Variants in CSMD1 observed in about 807,000 individuals in gnomAD.
The protein encoded by CSMD1 is CUB and Sushi multiple domains 1, also known as CUB and sushi domain-containing protein 1.
CSMD1 carries 213 observed loss-of-function variants against 417.5 expected under a neutral mutation model. That is an observed-to-expected ratio of 0.51 (90% CI 0.46 to 0.57). The LOEUF is 0.57. CSMD1 is among the 20% of genes least tolerant of loss of function. The pLI is 0.00. For missense variants in CSMD1, 6,923 were observed against 4,529.7 expected, an observed-to-expected ratio of 1.53 and a Z score of -15.17; for synonymous variants, 2,862 against 1,736.8, an observed-to-expected ratio of 1.65 and a Z score of -16.11.
intron 46 of CSMD1, among the ~76,000 whole-genome samples, chr8:3,099,910 G>C (rs1389973721): frequency 6.6e-6 from 1 of 152,094 alleles, no homozygotes; most frequent in African/African-American, 2.4e-5. Context: ...TAGAGAATTT[G>C]TACCATTTTT....
intron 2 of CSMD1, among the ~76,000 whole-genome samples, chr8:4,452,223 G>A (rs969697541): frequency 1.3e-5 from 2 of 152,238 alleles, no homozygotes; most frequent in African/African-American, 4.8e-5. Flanking sequence ...GACTGCCTGA[G>A]ACTGATTCCA....
At chr8:4,446,249 A>T (rs1798782008) in intron 2 of CSMD1, among the ~76,000 whole-genome samples, 1 of 152,178 alleles carries the variant, frequency 6.6e-6, no homozygotes, top group Non-Finnish European at 1.5e-5. Context: ...ACAGAAGATC[A>T]CTTGAAGAGT....
At chr8:4,935,523 T>C (rs923480691) in intron 1 of CSMD1, among the ~76,000 whole-genome samples, 7 of 152,254 alleles carry the variant, frequency 4.6e-5, no homozygotes, top group African/African-American at 7.2e-5. Context: ...AATGAACGAA[T>C]GAATGAATAC....
intron 3 of CSMD1, among the ~76,000 whole-genome samples, chr8:4,251,858 G>T (rs944270353): frequency 3.4e-5 from 5 of 147,306 alleles, no homozygotes; most frequent in African/African-American, 1.2e-4. Flanking sequence ...AGGAGAGATG[G>T]AGGAGAGAGA....
intron 5 of CSMD1, among the ~76,000 whole-genome samples, chr8:3,802,591 G>T (rs1483668096): frequency 6.6e-6 from 1 of 152,104 alleles, no homozygotes; most frequent in East Asian, 1.9e-4. Context: ...CTTATTGCAG[G>T]ATGTAATTCA....
intron 20 of CSMD1, among the ~76,000 whole-genome samples, chr8:3,362,737 A>G (rs1809279261): frequency 6.6e-6 from 1 of 152,142 alleles, no homozygotes; most frequent in Non-Finnish European, 1.5e-5. Context: ...CGTAAAACAG[A>G]GCATCCTCAT....
chr8:4,511,254 C>T (rs1411892093), intron 2 of CSMD1, among the ~76,000 whole-genome samples: 4 of 152,080 alleles, frequency 2.6e-5, no homozygotes, highest in Admixed American at 6.5e-5. Context: ...TCAGACTTGG[C>T]GGCCGATTTC....
intron 1 of CSMD1, among the ~76,000 whole-genome samples, chr8:4,992,387 G>T (rs566485330): frequency 2.8e-4 from 43 of 152,354 alleles, no homozygotes; most frequent in African/African-American, 8.4e-4. Flanking sequence ...CAGCCGGAGC[G>T]TGCGGAACTC....
chr8:3,700,132 A>T (rs998440329), intron 7 of CSMD1, among the ~76,000 whole-genome samples: 3 of 152,118 alleles, frequency 2.0e-5, no homozygotes, highest in African/African-American at 7.2e-5. Context: ...GGCGAGGGAT[A>T]AAAGACAACA....
At chr8:4,023,857 T>C (rs1019566733) in intron 4 of CSMD1, among the ~76,000 whole-genome samples, 6 of 145,882 alleles carry the variant, frequency 4.1e-5, no homozygotes, top group Admixed American at 7.1e-5. Context: ...GACCTCGGGA[T>C]CTGCCCGCCT....
chr8:4,978,894 T>A (rs1041326501), intron 1 of CSMD1, among the ~76,000 whole-genome samples: 12 of 152,110 alleles, frequency 7.9e-5, no homozygotes, highest in Non-Finnish European at 4.4e-5. Flanking sequence ...GCTGAGATTG[T>A]GCCACTGCAC....
rs530121587 is a variant in CSMD1 at position 4,451,290 on chromosome 8, G to A, written c.303-31225C>T. On this transcript the variant is annotated intron_variant, in intron 2 of 69. Transcript: ENST00000635120. ...AGGCGGCAGTGATCCAACCAATCAT[G>A]ACTCCATCAATCAACCACTGCACCA... Among the ~76,000 whole-genome samples, 6 of 152,276 alleles carry A rather than the reference G, an allele frequency of 3.9e-5. No homozygotes were observed. In the East Asian group the frequency reaches 1.2e-3, roughly 29 times the overall value.
intron 5 of CSMD1, among the ~76,000 whole-genome samples, chr8:3,924,972 G>A (rs778895994): frequency 5.5e-4 from 84 of 151,878 alleles, no homozygotes; most frequent in Non-Finnish European, 5.9e-4. Context: ...CTTAGCATTT[G>A]AAGCAGTATT....
intron 10 of CSMD1, among the ~76,000 whole-genome samples, chr8:3,519,156 T>A (rs1011871670): frequency 3.9e-5 from 6 of 152,202 alleles, no homozygotes; most frequent in Non-Finnish European, 5.9e-5. Context: ...ACCTATTTAA[T>A]AAGCTAAAAA....
intron 3 of CSMD1, among the ~76,000 whole-genome samples, chr8:4,275,468 A>C (rs1160256580): frequency 6.6e-6 from 1 of 152,116 alleles, no homozygotes; most frequent in East Asian, 1.9e-4. Flanking sequence ...TTTTACGTGT[A>C]GATCACAGAT....
At chr8:4,577,328 C>A (rs1799185795) in intron 2 of CSMD1, among the ~76,000 whole-genome samples, 1 of 152,058 alleles carries the variant, frequency 6.6e-6, no homozygotes, top group South Asian at 2.1e-4. Context: ...ATAATGATGC[C>A]CCAAAATATT....
intron 1 of CSMD1, among the ~76,000 whole-genome samples, chr8:4,802,242 C>T (rs370451059): frequency 2.0e-4 from 31 of 152,092 alleles, no homozygotes; most frequent in African/African-American, 6.8e-4. Context: ...GTAGTGTTTG[C>T]CCTTTTCCCT....
chr8:3,675,402 T>G (rs1337503733), intron 7 of CSMD1, among the ~76,000 whole-genome samples: 1 of 152,208 alleles, frequency 6.6e-6, no homozygotes, highest in African/African-American at 2.4e-5. Context: ...TATCTTGTTT[T>G]GTTTGCTAAT....
chr8:4,155,405 T>C (rs1269183840), intron 3 of CSMD1, among the ~76,000 whole-genome samples: 1 of 152,186 alleles, frequency 6.6e-6, no homozygotes, highest in Non-Finnish European at 1.5e-5. Flanking sequence ...TTTTACTTTA[T>C]AAATCAGAAC....
Sources: gnomAD v4.1 joint callset for allele counts (sites outside exome capture counted in the v4.1 genomes callset) on GRCh38, gnomAD v4.1.1 for gene constraint, MANE v1.5 for transcripts, NCBI Gene and HGNC (gene_info 2026-07-23, HGNC 2026-07-21) for gene names.